The following HLCS variants were observed in gnomAD, a reference collection of about 807,000 sequenced individuals.
HLCS encodes biotin--protein ligase.
Under a neutral mutation model 75.0 loss-of-function variants are expected in HLCS, and 53 were observed. The observed-to-expected ratio is 0.71, with a 90% confidence interval of 0.57 to 0.89. The LOEUF (loss-of-function observed/expected upper bound fraction) is 0.89, where lower values mean the gene tolerates loss of function less well. Among genes scored for constraint, HLCS ranks in the 40% least tolerant of loss-of-function variants. The pLI, the probability that HLCS is intolerant of heterozygous loss-of-function variation, is 0.00. For synonymous variants in HLCS, 431 were observed against 428.6 expected, an observed-to-expected ratio of 1.01 and a Z score of -0.07; for missense variants, 966 against 1,074.0, an observed-to-expected ratio of 0.90 and a Z score of 1.41.
Position 36,966,429 on chromosome 21 carries a change from G to T in HLCS, c.195+15C>A. The T allele has an allele frequency of 6.9e-6, 1 of 144,444 alleles. No individual in the cohort carries two copies. Among genetic ancestry groups the T allele is most frequent in the Non-Finnish European group, 9.0e-6 (1 of 111,466 alleles). 8.9% of individuals were successfully genotyped at this position (144,444 alleles called of 1,614,324 possible). A position where few individuals can be genotyped will look rare whatever the true frequency, so the allele number is the denominator to read the frequency against. On this transcript the variant is annotated intron_variant, in intron 1 of 10. Transcript: ENST00000674895. ...CTCGCGGGGCCCGGGTCGCCCGCCCGCCCGACCCGCCCACCTGGCTGTCGC... is the reference window on the plus strand; with the variant it reads ...CTCGCGGGGCCCGGGTCGCCCGCCCTCCCGACCCGCCCACCTGGCTGTCGC...
chr21:36,907,404 C>T (rs1476216569), intron 5 of HLCS, among the ~76,000 whole-genome samples: 1 of 152,072 alleles, frequency 6.6e-6, no homozygotes, highest in African/African-American at 2.4e-5. Context: ...ACCTGTAATC[C>T]CAGAACTTTG....
At chr21:36,904,376 C>T (rs1234075926) in intron 5 of HLCS, among the ~76,000 whole-genome samples, 2 of 152,116 alleles carry the variant, frequency 1.3e-5, no homozygotes, top group East Asian at 1.9e-4. Flanking sequence ...TACTTAGACA[C>T]GTACAAATCT....
chr21:36,801,823 G>A (rs1171955542), intron 6 of HLCS, among the ~76,000 whole-genome samples: 5 of 150,982 alleles, frequency 3.3e-5, no homozygotes, highest in Middle Eastern at 3.2e-3. Context: ...TATAGAGACA[G>A]TTATCTAACT....
At chr21:36,958,034 T>C (rs1213602825) in intron 2 of HLCS, among the ~76,000 whole-genome samples, 7 of 151,540 alleles carry the variant, frequency 4.6e-5, no homozygotes, top group African/African-American at 1.2e-4. Flanking sequence ...GAAACCATCC[T>C]GGCTAACATG....
intron 6 of HLCS, among the ~76,000 whole-genome samples, chr21:36,884,996 A>C (rs1260616532): frequency 6.6e-6 from 1 of 152,158 alleles, no homozygotes; most frequent in African/African-American, 2.4e-5. Flanking sequence ...ATGATAACTA[A>C]AGGGTTAAGA....
At chr21:36,989,157 C>G (rs755557588) in intron 1 of HLCS, among the ~76,000 whole-genome samples, 96 of 151,822 alleles carry the variant, frequency 6.3e-4, no homozygotes, top group Non-Finnish European at 1.2e-3. Flanking sequence ...CCACCTCAGC[C>G]TCCGGAGTAG....
At chr21:36,755,206 G>A (rs992016727) in intron 10 of HLCS, among the ~76,000 whole-genome samples, 8 of 151,956 alleles carry the variant, frequency 5.3e-5, no homozygotes, top group Admixed American at 4.6e-4. Context: ...AGACCAGCCT[G>A]GGCAATATAG....
At chr21:36,818,043 T>C (rs919889409) in intron 6 of HLCS, among the ~76,000 whole-genome samples, 2 of 152,234 alleles carry the variant, frequency 1.3e-5, no homozygotes, top group Non-Finnish European at 2.9e-5. Flanking sequence ...CGGATTAACA[T>C]GTAAAGCAGT....
intron 6 of HLCS, among the ~76,000 whole-genome samples, chr21:36,772,780 C>T (rs1370958840): frequency 2.0e-5 from 3 of 151,962 alleles, no homozygotes; most frequent in Admixed American, 6.6e-5. Context: ...GTCAAGAGAT[C>T]GAGACCATCC....
intron 6 of HLCS, among the ~76,000 whole-genome samples, chr21:36,810,164 T>C (rs1249732552): frequency 6.6e-6 from 1 of 152,224 alleles, no homozygotes; most frequent in East Asian, 1.9e-4. Flanking sequence ...TCTATTTCCT[T>C]GGTTCTTCAA....
chr21:36,974,013 A>AACAAACAAACAT (rs1569269227), intron 1 of HLCS: 1 of 152,110 alleles, frequency 6.6e-6, no homozygotes. Context: ...TAAATAAACA[A>AACAAACAAACAT]ACGGACACAC....
At chr21:36,796,193 A>T (rs992218419) in intron 6 of HLCS, among the ~76,000 whole-genome samples, 7 of 152,244 alleles carry the variant, frequency 4.6e-5, no homozygotes, top group Non-Finnish European at 8.8e-5. Flanking sequence ...CAGATGTGAA[A>T]ATCATGAATA....
intron 4 of HLCS, among the ~76,000 whole-genome samples, chr21:36,935,669 C>T (rs1787036859): frequency 6.6e-6 from 1 of 152,100 alleles, no homozygotes; most frequent in Non-Finnish European, 1.5e-5. Flanking sequence ...CTAATGAAAA[C>T]CTTTTCCCCT....
intron 2 of HLCS, among the ~76,000 whole-genome samples, chr21:36,958,898 A>G (rs1259766602): frequency 6.6e-6 from 1 of 152,224 alleles, no homozygotes; most frequent in Non-Finnish European, 1.5e-5. Flanking sequence ...CAAAATGGCA[A>G]TAATAATAAT....
intron 6 of HLCS, among the ~76,000 whole-genome samples, chr21:36,841,938 GC>G (rs2062629987): frequency 1.3e-5 from 2 of 152,128 alleles, no homozygotes; most frequent in African/African-American, 4.8e-5. Flanking sequence ...ACCCACTAAG[GC>G]TGACATATGC....
chr21:36,820,395 G>A (rs559474014), intron 6 of HLCS, among the ~76,000 whole-genome samples: 40 of 152,334 alleles, frequency 2.6e-4, no homozygotes, highest in African/African-American at 8.2e-4. Flanking sequence ...GGGATTCCTC[G>A]CGCTGTCAGA....
At chr21:36,918,548 T>A (rs999133968) in intron 5 of HLCS, among the ~76,000 whole-genome samples, 1 of 152,192 alleles carries the variant, frequency 6.6e-6, no homozygotes, top group Non-Finnish European at 1.5e-5. Context: ...GGTCAAAGGC[T>A]AAACATCAAC....
At chr21:36,915,973 CCAAAT>C in intron 5 of HLCS, among the ~76,000 whole-genome samples, 1 of 152,112 alleles carries the variant, frequency 6.6e-6, no homozygotes, top group Non-Finnish European at 1.5e-5. Context: ...TTGCAAGTGT[CCAAAT>C]AAAATGTGCT....
intron 6 of HLCS, among the ~76,000 whole-genome samples, chr21:36,802,249 A>C (rs890290161): frequency 1.3e-5 from 2 of 152,118 alleles, no homozygotes; most frequent in Non-Finnish European, 1.5e-5. Context: ...ATTGCAGCAT[A>C]AGGGGAAAGG....
Sources: allele counts gnomAD v4.1 joint callset (sites outside exome capture counted in the v4.1 genomes callset), GRCh38; gene constraint gnomAD v4.1.1; transcripts MANE v1.5; gene names NCBI Gene and HGNC (gene_info 2026-07-23, HGNC 2026-07-21).